PBX1: variants seen among roughly 807,000 people sequenced by gnomAD.
PBX1 encodes pre-B-cell leukemia transcription factor 1.
PBX1 carries 6 observed loss-of-function variants against 53.4 expected under a neutral mutation model. The ratio of observed to expected loss-of-function variants is 0.11; its 90% CI spans 0.06 to 0.22. The LOEUF (loss-of-function observed/expected upper bound fraction) is 0.22. Among genes scored for constraint, PBX1 ranks in the 10% least tolerant of loss-of-function variants. The pLI is 1.00. For missense variants in PBX1, 251 were observed against 551.4 expected (o/e 0.46, Z 5.46); for synonymous variants, 204 against 212.3 (o/e 0.96, Z 0.34).
chr1:164,648,320 T>C (rs960000549), intron 2 of PBX1, among the ~76,000 whole-genome samples: 9 of 152,214 alleles, frequency 5.9e-5, no homozygotes, highest in Admixed American at 2.6e-4. Flanking sequence ...GTTATTCTTA[T>C]AGTAAGTGTA....
chr1:164,833,889 CTTTTTTT>C (rs57482828), intron 8 of PBX1, among the ~76,000 whole-genome samples: 1 of 139,188 alleles, frequency 7.2e-6, no homozygotes, highest in Non-Finnish European at 1.6e-5. Context: ...GCTTTTTGTA[CTTTTTTT>C]TTTTTTTCTG....
chr1:164,676,015 C>T (rs1046345932), intron 2 of PBX1, among the ~76,000 whole-genome samples: 9 of 152,116 alleles, frequency 5.9e-5, no homozygotes, highest in Admixed American at 2.0e-4. Flanking sequence ...TTGGTATGAA[C>T]GCGTGCAGTT....
intron 2 of PBX1, among the ~76,000 whole-genome samples, chr1:164,567,315 G>T (rs1653503473): frequency 6.6e-6 from 1 of 152,152 alleles, no homozygotes; most frequent in African/African-American, 2.4e-5. Flanking sequence ...CCATTTAGAA[G>T]CAGCCTCTGA....
chr1:164,843,630 T>G (rs1261219137), intron 8 of PBX1, among the ~76,000 whole-genome samples: 2 of 152,208 alleles, frequency 1.3e-5, no homozygotes, highest in Admixed American at 6.5e-5. Context: ...TATTCTTCAC[T>G]AGGCCAACTA....
intron 2 of PBX1, among the ~76,000 whole-genome samples, chr1:164,638,519 G>A (rs917669570): frequency 6.6e-6 from 1 of 152,168 alleles, no homozygotes; most frequent in Non-Finnish European, 1.5e-5. Flanking sequence ...TACTGAGCCC[G>A]AGCCTTTACT....
At chr1:164,614,735 G>A (rs183067371) in intron 2 of PBX1, among the ~76,000 whole-genome samples, 4 of 152,214 alleles carry the variant, frequency 2.6e-5, no homozygotes, top group African/African-American at 9.6e-5. Flanking sequence ...GGGCATGACC[G>A]GCAGCTTAGG....
chr1:164,583,282 G>GAA (rs1160998875), intron 2 of PBX1, among the ~76,000 whole-genome samples: 1 of 142,724 alleles, frequency 7.0e-6, no homozygotes, highest in Non-Finnish European at 1.5e-5. Context: ...AAGAGAGGCG[G>GAA]GAAAAAAAAA....
chr1:164,834,973 C>T lies in PBX1; in HGVS notation c.1201-11611C>T, dbSNP rs535949560. ...GAAAATTTGGAGAATTCAGGAAAACCACAAAGAAGAAAATTTACTGTTAAC... is the reference window on the plus strand; with the variant it reads ...GAAAATTTGGAGAATTCAGGAAAACTACAAAGAAGAAAATTTACTGTTAAC... On this transcript the variant is annotated intron_variant, in intron 8 of 8. Transcript: ENST00000420696. Among the ~76,000 whole-genome samples the T allele has an allele frequency of 4.5e-4, 68 of 152,230 alleles. 1 individual carries two copies. Among genetic ancestry groups the T allele is most frequent in the African/African-American group, 1.6e-3 (68 of 41,542 alleles).
At chr1:164,769,217 A>G (rs1667238578) in intron 2 of PBX1, 1 of 152,176 alleles carries the variant, frequency 6.6e-6, no homozygotes, top group South Asian at 2.1e-4. Context: ...TGGATCATGA[A>G]GAATCTCACA....
chr1:164,564,438 T>G lies in PBX1; in HGVS notation c.265+1127T>G, dbSNP rs1184181501. Among the ~76,000 whole-genome samples, 4 of 152,218 alleles carry G rather than the reference T, an allele frequency of 2.6e-5. No homozygotes were observed. The East Asian group carries it at 5.8e-4, about 22-fold the overall frequency. ...GGGGAGAGGGCACACAGGGTGGCTTTCTTTTTGAGAGCTCTCTGTGTTTTT... is the reference window on the plus strand; with the variant it reads ...GGGGAGAGGGCACACAGGGTGGCTTGCTTTTTGAGAGCTCTCTGTGTTTTT... On this transcript the variant is annotated intron_variant, in intron 2 of 8. Transcript: ENST00000420696.
intron 6 of PBX1, chr1:164,814,382 A>G (rs1301046399): frequency 6.6e-6 from 1 of 152,234 alleles, no homozygotes; most frequent in Non-Finnish European, 1.5e-5. Context: ...TCATAACCTC[A>G]GTATTGAAGC....
intron 2 of PBX1, among the ~76,000 whole-genome samples, chr1:164,723,556 G>A (rs186156201): frequency 2.1e-3 from 322 of 152,324 alleles, no homozygotes; most frequent in African/African-American, 6.4e-3. Context: ...ACCATCTGAG[G>A]TTGTGTGCAT....
intron 2 of PBX1, among the ~76,000 whole-genome samples, chr1:164,778,774 A>G (rs1163334373): frequency 6.6e-6 from 1 of 152,184 alleles, no homozygotes; most frequent in Non-Finnish European, 1.5e-5. Flanking sequence ...GAAAGTCCAC[A>G]TTGGCCTTCA....
At chr1:164,773,638 C>T (rs1183353894) in intron 2 of PBX1, among the ~76,000 whole-genome samples, 1 of 152,018 alleles carries the variant, frequency 6.6e-6, no homozygotes, top group Non-Finnish European at 1.5e-5. Context: ...ACTGGTAGGA[C>T]GAGCGGCCTG....
chr1:164,626,568 T>C (rs1401649632), intron 2 of PBX1, among the ~76,000 whole-genome samples: 3 of 152,214 alleles, frequency 2.0e-5, no homozygotes, highest in African/African-American at 7.2e-5. Flanking sequence ...CTTTGGAAAC[T>C]CAGTTTCAGA....
intron 2 of PBX1, among the ~76,000 whole-genome samples, chr1:164,748,464 T>C (rs952376397): frequency 3.3e-5 from 5 of 152,178 alleles, no homozygotes; most frequent in African/African-American, 1.2e-4. Context: ...AAGGTCAGCT[T>C]AACAGTCATT....
intron 2 of PBX1, among the ~76,000 whole-genome samples, chr1:164,717,936 T>C (rs1167703933): frequency 1.3e-5 from 2 of 152,228 alleles, no homozygotes; most frequent in South Asian, 2.1e-4. Flanking sequence ...CTAGCAATCT[T>C]TTATTAAGCA....
Position 164,721,937 on chromosome 1 carries a change from A to G in PBX1, c.266-70557A>G, listed in dbSNP as rs568465795. Among the ~76,000 whole-genome samples, 6 of 152,344 alleles carry G rather than the reference A, an allele frequency of 3.9e-5. No homozygotes were observed. In the South Asian group the frequency reaches 1.0e-3, roughly 26 times the overall value. ...CAGAACACACAAAGTTCTTACCTTC[A>G]TGGAGCTTCCATTTTAGTGAAAGAA... On this transcript the variant is annotated intron_variant, in intron 2 of 8. Transcript: ENST00000420696.
chr1:164,560,118 A>C (rs1652922137), intron 1 of PBX1, 105 bp downstream of exon 1: 1 of 847,492 alleles, frequency 1.2e-6, no homozygotes, highest in Non-Finnish European at 1.7e-6. Flanking sequence ...TTTTTGAAAA[A>C]TGTTATTTCT....
Sources: allele counts gnomAD v4.1 joint callset (sites outside exome capture counted in the v4.1 genomes callset), GRCh38; gene constraint gnomAD v4.1.1; transcripts MANE v1.5; gene names NCBI Gene and HGNC (gene_info 2026-07-23, HGNC 2026-07-21).